The following NID1 variants were observed in gnomAD, a reference collection of about 807,000 sequenced individuals.
NID1 encodes nidogen-1.
Under a neutral mutation model 130.6 loss-of-function variants are expected in NID1, and 76 were observed. The ratio of observed to expected loss-of-function variants is 0.58; its 90% CI spans 0.48 to 0.70. The LOEUF (loss-of-function observed/expected upper bound fraction) is 0.70, where lower values mean the gene tolerates loss of function less well. Ranked by LOEUF, NID1 falls within the 30% of genes least tolerant of loss-of-function variation. NID1 has a pLI of 0.00. For synonymous variants in NID1, 665 were observed against 675.1 expected (o/e 0.98, Z 0.23); for missense variants, 1,517 against 1,664.8 (o/e 0.91, Z 1.54).
chr1:235,979,018 G>A lies in NID1; in HGVS notation c.3599C>T (p.Thr1200Met), dbSNP rs368177638. The A allele has an allele frequency of 5.5e-4, 891 of 1,613,500 alleles. 11 individuals carry two copies. In the South Asian group the frequency reaches 8.9e-3, roughly 16 times the overall value. Residue 1200 changes from threonine (T) to methionine (M), a missense_variant, in exon 19 of 20, where the codon ACG (threonine) becomes ATG (methionine). Around this residue, in one of 3 missense-constraint regions of NID1, gnomAD observed 181 missense variants for 211.3 expected, o/e 0.86. Transcript: ENST00000264187. This position sits in a 1 kb window ranked among gnomAD's most constrained non-coding sequence, Gnocchi z 4.6. ...ACCTTGCGGACACTGAGACAGGGCC[G>A]TGGTGATGCCATACAGCCGGGTCTG... ...HKQTRLYGIT[T>M]ALSQCPQGHN...
At position 235,981,685 on chromosome 1, in the gene NID1, G is replaced by T; in HGVS notation, c.3153C>A (p.Asp1051Glu). The change falls in exon 16 of 20, where the codon GAC becomes GAA. Residue 1051 changes from aspartate to glutamate, a missense_variant. By Grantham distance (45) the Asp-to-Glu change is conservative. Coordinates refer to ENST00000264187, the MANE Select transcript of NID1 (RefSeq NM_002508.3). ...CAAAGAGCACCCGGCGCTGCGTGCC[G>T]TCCAGCTTCGCCACTTCTATTCGAT... ...NLDRIEVAKL[D>E]GTQRRVLFET... is the part of the protein sequence containing the mutation. 1 of 1,614,222 alleles carries T rather than the reference G, an allele frequency of 6.2e-7. No individual in the cohort carries two copies. The highest frequency in any genetic ancestry group is 8.5e-7 in the Non-Finnish European group (1 of 1,180,034).
chr1:236,013,337 A>G, intron 11 of NID1, 74 bp downstream of exon 11: 2 of 1,523,568 alleles, frequency 1.3e-6, no homozygotes, highest in Non-Finnish European at 1.8e-6. Context: ...TGAGTTGGTG[A>G]TTGGCACATG....
intron 5 of NID1, among the ~76,000 whole-genome samples, chr1:236,037,619 C>T (rs1408598768): frequency 4.0e-5 from 6 of 151,618 alleles, no homozygotes; most frequent in African/African-American, 1.2e-4. Flanking sequence ...GGTCACACCA[C>T]TGCACTCTAG....
chr1:235,992,655 C>T lies in NID1; in HGVS notation c.2755+990G>A, dbSNP rs538877852. ...GTTCCTGTCTATTCACCGTCCTTTCCGCTTCTTGGGGGCCCAGCACCGTGA... is the reference window on the plus strand; with the variant it reads ...GTTCCTGTCTATTCACCGTCCTTTCTGCTTCTTGGGGGCCCAGCACCGTGA... On this transcript the variant is annotated intron_variant, in intron 13 of 19. Coordinates refer to ENST00000264187, the MANE Select transcript of NID1 (RefSeq NM_002508.3). Among the ~76,000 whole-genome samples, 6 of 152,310 alleles carry T rather than the reference C, an allele frequency of 3.9e-5. No homozygotes were observed. In the East Asian group the frequency reaches 1.2e-3, roughly 29 times the overall value.
intron 12 of NID1, among the ~76,000 whole-genome samples, chr1:236,002,496 CT>C (rs907377972): frequency 6.9e-6 from 1 of 144,516 alleles, no homozygotes; most frequent in African/African-American, 2.7e-5. Context: ...GAGCGAGACT[CT>C]GTCTAAAAAC....
rs766767820 is a variant in NID1, at chr1:236,026,154, A to C, written c.1739-13T>G. On this transcript the variant is annotated splice_polypyrimidine_tract_variant and intron_variant, in intron 7 of 19. Transcript: ENST00000264187. ...GAGGAAGTGATCACTGCAGAGTGGGAAGGATGGAGGGGACAAGGCAGGGAG... is the reference window on the plus strand; with the variant it reads ...GAGGAAGTGATCACTGCAGAGTGGGCAGGATGGAGGGGACAAGGCAGGGAG... 1.2e-6 allele frequency: 2 copies of C among 1,612,814 alleles called. No homozygotes were observed. Among genetic ancestry groups the C allele is most frequent in the South Asian group, 2.2e-5 (2 of 90,946 alleles).
intron 12 of NID1, among the ~76,000 whole-genome samples, chr1:236,004,254 G>C (rs1328314711): frequency 6.6e-6 from 1 of 152,092 alleles, no homozygotes; most frequent in Non-Finnish European, 1.5e-5. Flanking sequence ...AAAATCCATA[G>C]CCCATGGGTA....
chr1:236,013,560 G>T lies in NID1; in HGVS notation c.2255C>A (p.Ala752Asp), dbSNP rs765375756. The change falls in exon 11 of 20, where the codon GCT becomes GAT. Residue 752 changes from alanine to aspartate, a missense_variant and splice_region_variant. By Grantham distance (126) the Ala-to-Asp change is moderately radical. This residue lies in a region of NID1 where 1,329 missense variants were observed against 1,429.2 expected (regional missense o/e 0.93). Coordinates refer to ENST00000264187, the MANE Select transcript of NID1 (RefSeq NM_002508.3). ...YQFSDEGTCV[A>D]VVDQRPINYC... is the part of the protein sequence containing the mutation. ...GTTGATGGGGCGCTGGTCCACGACAGCTTCAGAACAAAAGGTTGATGCACA... is the reference window on the plus strand; with the variant it reads ...GTTGATGGGGCGCTGGTCCACGACATCTTCAGAACAAAAGGTTGATGCACA... 6 of 1,614,150 alleles carry T rather than the reference G, an allele frequency of 3.7e-6. No homozygotes were observed. In the South Asian group the frequency reaches 6.6e-5, roughly 18 times the overall value.
At chr1:236,041,175 C>G (rs1482111125) in intron 4 of NID1, among the ~76,000 whole-genome samples, 1 of 152,142 alleles carries the variant, frequency 6.6e-6, no homozygotes, top group South Asian at 2.1e-4. Context: ...TCAAGCAATC[C>G]TCCTGCCTCA....
At chr1:236,047,466 A>AC (rs1659635024) in intron 2 of NID1, among the ~76,000 whole-genome samples, 1 of 152,120 alleles carries the variant, frequency 6.6e-6, no homozygotes, top group Admixed American at 6.5e-5. Context: ...TCTAACAACG[A>AC]GTTCCTGACC....
rs974068915 is a variant in NID1 at position 235,975,923 on chromosome 1, T to C, written c.*1944A>G. The C allele has an allele frequency of 7.2e-5, 11 of 152,604 alleles. No individual in the cohort carries two copies. The highest frequency in any genetic ancestry group is 2.4e-4 in the African/African-American group (10 of 41,448). 9.5% of individuals were successfully genotyped at this position (152,604 alleles called of 1,614,324 possible). On this transcript the variant is annotated 3_prime_UTR_variant, in exon 20 of 20. Coordinates refer to ENST00000264187, the MANE Select transcript of NID1 (RefSeq NM_002508.3). ...TACTTGTACAAATCTGGGAGAACAG[T>C]TAATAAGCACCTTCAGTGGTTTCCA...
At chr1:236,057,229 G>A (rs977189050) in intron 1 of NID1, among the ~76,000 whole-genome samples, 6 of 151,678 alleles carry the variant, frequency 4.0e-5, no homozygotes, top group Non-Finnish European at 7.4e-5. Context: ...ACTGCACTCC[G>A]GCCTGGGAGA....
chr1:235,991,786 G>C (rs1168232531), intron 13 of NID1, among the ~76,000 whole-genome samples: 2 of 152,164 alleles, frequency 1.3e-5, no homozygotes, highest in African/African-American at 4.8e-5. Flanking sequence ...CAGGGAGCCA[G>C]GTTCTAGTGC....
intron 11 of NID1, among the ~76,000 whole-genome samples, chr1:236,012,707 A>G (rs1658468615): frequency 6.6e-6 from 1 of 152,222 alleles, no homozygotes; most frequent in African/African-American, 2.4e-5. Flanking sequence ...CTGACAGATT[A>G]TTAACTGCTA....
At chr1:235,990,135 G>C (rs1657687161) in intron 14 of NID1, among the ~76,000 whole-genome samples, 1 of 152,192 alleles carries the variant, frequency 6.6e-6, no homozygotes, top group Non-Finnish European at 1.5e-5. Flanking sequence ...TCCCAAAGAA[G>C]GGATGTGGCT....
Position 235,991,061 on chromosome 1 carries a change from G to T in NID1, c.2756-3C>A. On this transcript the variant is annotated splice_region_variant and splice_polypyrimidine_tract_variant and intron_variant, in intron 13 of 19. Transcript: ENST00000264187. ...CGGGGGAGCCACTGTACTCAGACCTGCATGGCAGAGGGGGTCAGTGAGGGA... is the reference window on the plus strand; with the variant it reads ...CGGGGGAGCCACTGTACTCAGACCTTCATGGCAGAGGGGGTCAGTGAGGGA... 1 of 1,578,496 alleles carries T rather than the reference G, an allele frequency of 6.3e-7. No homozygotes were observed. Among genetic ancestry groups the T allele is most frequent in the Non-Finnish European group, 8.6e-7 (1 of 1,163,648 alleles).
intron 1 of NID1, among the ~76,000 whole-genome samples, chr1:236,060,233 A>G (rs978633145): frequency 6.6e-6 from 1 of 151,892 alleles, no homozygotes; most frequent in Non-Finnish European, 1.5e-5. Context: ...TCCCCTTTTT[A>G]GACCATATAG....
At chr1:236,012,753 T>G (rs1011286580) in intron 11 of NID1, among the ~76,000 whole-genome samples, 12 of 152,168 alleles carry the variant, frequency 7.9e-5, no homozygotes, top group Non-Finnish European at 4.4e-5. Flanking sequence ...AATATTCACA[T>G]GTTCAGTAAT....
At chr1:236,041,474 A>C (rs944661950) in intron 4 of NID1, among the ~76,000 whole-genome samples, 5 of 152,212 alleles carry the variant, frequency 3.3e-5, no homozygotes, top group South Asian at 2.1e-4. Context: ...AACAATTCTA[A>C]TTCCAAAACC....
Sources: gnomAD v4.1 joint callset for allele counts (sites outside exome capture counted in the v4.1 genomes callset) on GRCh38, gnomAD v4.1.1 for gene constraint, gnomAD v4.1.1 regional missense constraint, Gnocchi (gnomAD v3.1) non-coding constraint, MANE v1.5 for transcripts, NCBI Gene and HGNC (gene_info 2026-07-23, HGNC 2026-07-21) for gene names.